HECW1: variants seen among roughly 807,000 people sequenced by gnomAD.
HECW1 encodes HECT, C2 and WW domain containing E3 ubiquitin protein ligase 1, also known as E3 ubiquitin-protein ligase HECW1.
Under a neutral mutation model 182.3 loss-of-function variants are expected in HECW1, and 61 were observed. The observed-to-expected ratio is 0.33, with a 90% CI of 0.27 to 0.41. The LOEUF (loss-of-function observed/expected upper bound fraction) is 0.41, where lower values mean the gene tolerates loss of function less well. Among genes scored for constraint, HECW1 ranks in the 10% least tolerant of loss-of-function variants. The pLI is 1.00. For synonymous variants in HECW1, 859 were observed against 832.6 expected, an observed-to-expected ratio of 1.03 and a Z score of -0.55; for missense variants, 1,739 against 2,108.9, an observed-to-expected ratio of 0.82 and a Z score of 3.44.
At chr7:43,115,808 C>T (rs893074675) in intron 2 of HECW1, among the ~76,000 whole-genome samples, 2 of 152,232 alleles carry the variant, frequency 1.3e-5, no homozygotes, top group Non-Finnish European at 2.9e-5. Context: ...ACCACTTCTT[C>T]TCCTGTTTTC....
Position 43,450,914 on chromosome 7 carries a change from G to A in HECW1, c.2485G>A (p.Glu829Lys), listed in dbSNP as rs1273278565. The A allele has an allele frequency of 3.1e-6, 5 of 1,609,528 alleles. No individual in the cohort carries two copies. Among genetic ancestry groups the A allele is most frequent in the Non-Finnish European group, 4.3e-6 (5 of 1,176,074 alleles). ...PEHHHYPTID[E>K]PLPPNWEARI... is the part of the protein sequence containing the mutation. ...ACATCATCACTACCCAACAATCGAT[G>A]AGCCTCTTCCACCAAGTAAGCTTTA... The change falls in exon 12 of 30, where the codon GAG becomes AAG. Residue 829 changes from glutamate to lysine, a missense_variant. Physicochemically the swap from Glu to Lys is moderately conservative, Grantham distance 56. Transcript: ENST00000395891.
At chr7:43,350,761 C>T (rs1020390525) in intron 5 of HECW1, among the ~76,000 whole-genome samples, 1 of 152,128 alleles carries the variant, frequency 6.6e-6, no homozygotes, top group African/African-American at 2.4e-5. Context: ...CTATTTCTCC[C>T]TTTACTTCTT....
At chr7:43,367,763 G>A (rs1268711149) in intron 6 of HECW1, among the ~76,000 whole-genome samples, 1 of 152,164 alleles carries the variant, frequency 6.6e-6, no homozygotes. Flanking sequence ...AGTCAAGGGT[G>A]GAATAGAAAA....
At chr7:43,499,468 CA>C (rs368228440) in intron 19 of HECW1, among the ~76,000 whole-genome samples, 13 of 135,010 alleles carry the variant, frequency 9.6e-5, no homozygotes, top group East Asian at 4.2e-4. Flanking sequence ...GACTCTGTCT[CA>C]AAAAAAAAAG....
intron 3 of HECW1, among the ~76,000 whole-genome samples, chr7:43,255,258 T>C (rs374771774): frequency 6.6e-6 from 1 of 152,168 alleles, no homozygotes; most frequent in Non-Finnish European, 1.5e-5. Flanking sequence ...CTGTTCCAGG[T>C]ACTACATTAC....
chr7:43,457,867 A>G (rs944808769), intron 13 of HECW1, among the ~76,000 whole-genome samples: 11 of 152,220 alleles, frequency 7.2e-5, no homozygotes, highest in African/African-American at 2.4e-4. Context: ...CTTTAGGTGA[A>G]AATCACCAGA....
At chr7:43,262,050 G>A (rs377124164) in intron 3 of HECW1, among the ~76,000 whole-genome samples, 2 of 151,778 alleles carry the variant, frequency 1.3e-5, no homozygotes, top group African/African-American at 2.4e-5. Context: ...GTGAAACCCC[G>A]TCTCTACTAA....
intron 2 of HECW1, among the ~76,000 whole-genome samples, chr7:43,117,064 TC>T (rs1785111617): frequency 6.6e-6 from 1 of 152,236 alleles, no homozygotes; most frequent in African/African-American, 2.4e-5. Flanking sequence ...ATTTCTATAA[TC>T]CTTTCTTATT....
intron 19 of HECW1, among the ~76,000 whole-genome samples, chr7:43,499,660 AC>A (rs144036874): frequency 0.01 from 1,574 of 150,246 alleles, 14 homozygotes; most frequent in East Asian, 0.036. Context: ...TTAAAAAAAA[AC>A]ATCCTTAATT....
intron 3 of HECW1, among the ~76,000 whole-genome samples, chr7:43,296,545 G>A (rs1287150273): frequency 6.6e-6 from 1 of 152,182 alleles, no homozygotes; most frequent in Non-Finnish European, 1.5e-5. Flanking sequence ...GCCTCAAGTT[G>A]AAACATGAGC....
intron 19 of HECW1, among the ~76,000 whole-genome samples, chr7:43,496,676 A>G (rs1182310695): frequency 6.6e-6 from 1 of 152,176 alleles, no homozygotes; most frequent in African/African-American, 2.4e-5. Flanking sequence ...AGCCATTGCT[A>G]TTCTCAGGGA....
At chr7:43,116,614 A>T (rs1583558890) in intron 2 of HECW1, among the ~76,000 whole-genome samples, 1 of 152,190 alleles carries the variant, frequency 6.6e-6, no homozygotes, top group South Asian at 2.1e-4. Flanking sequence ...ACATCAAGAC[A>T]CCTGCTTCTC....
intron 24 of HECW1, among the ~76,000 whole-genome samples, chr7:43,538,569 A>C (rs1313488703): frequency 6.6e-6 from 1 of 152,218 alleles, no homozygotes; most frequent in Non-Finnish European, 1.5e-5. Flanking sequence ...CAACCTCTCC[A>C]TCGCTCACAT....
chr7:43,349,570 A>G (rs1814132718), intron 5 of HECW1, among the ~76,000 whole-genome samples: 2 of 152,130 alleles, frequency 1.3e-5, no homozygotes, highest in African/African-American at 2.4e-5. Flanking sequence ...TAGGATTGTG[A>G]TATTTTCCTT....
At chr7:43,231,122 T>C (rs1344130379) in intron 2 of HECW1, among the ~76,000 whole-genome samples, 1 of 152,234 alleles carries the variant, frequency 6.6e-6, no homozygotes, top group Non-Finnish European at 1.5e-5. Context: ...TAATTCTCAT[T>C]GACAAGTAAG....
intron 3 of HECW1, chr7:43,245,688 T>C (rs1799317755): frequency 1.3e-5 from 2 of 152,258 alleles, no homozygotes; most frequent in Admixed American, 1.3e-4. Flanking sequence ...GAGTGAGTTC[T>C]CACTGGGTAA....
chr7:43,379,349 C>T (rs2074456749), intron 6 of HECW1, among the ~76,000 whole-genome samples: 1 of 152,230 alleles, frequency 6.6e-6, no homozygotes, highest in Non-Finnish European at 1.5e-5. Flanking sequence ...CACACACACT[C>T]CCATGCTGTG....
intron 2 of HECW1, among the ~76,000 whole-genome samples, chr7:43,232,781 G>T (rs1797996959): frequency 1.3e-5 from 2 of 152,160 alleles, no homozygotes; most frequent in African/African-American, 4.8e-5. Context: ...AAGGACTCTA[G>T]GCTTTCACCA....
intron 7 of HECW1, 84 bp downstream of exon 7, chr7:43,396,973 C>A: frequency 1.0e-6 from 1 of 986,298 alleles, no homozygotes; most frequent in South Asian, 1.3e-5. Context: ...TTCACTCTTA[C>A]CTACAAGTCA....
Sources: gnomAD v4.1 joint callset for allele counts (sites outside exome capture counted in the v4.1 genomes callset) on GRCh38, gnomAD v4.1.1 for gene constraint, MANE v1.5 for transcripts, NCBI Gene and HGNC (gene_info 2026-07-23, HGNC 2026-07-21) for gene names.